The following RAB11FIP3 variants were observed in gnomAD, a reference collection of about 807,000 sequenced individuals.
RAB11FIP3 encodes the protein rab11 family-interacting protein 3.
In RAB11FIP3, 17 loss-of-function variants were observed where a neutral mutation model predicts 77.8. The ratio of observed to expected loss-of-function variants is 0.22; its 90% CI spans 0.15 to 0.33. The LOEUF is 0.33. RAB11FIP3 is among the 10% of genes least tolerant of loss of function. The pLI is 1.00. For synonymous variants in RAB11FIP3, 437 were observed against 448.2 expected (o/e 0.98, Z 0.31); for missense variants, 1,005 against 1,011.2 (o/e 0.99, Z 0.08).
chr16:441,067 A>C (rs11648659), intron 1 of RAB11FIP3, among the ~76,000 whole-genome samples: 3 of 151,736 alleles, frequency 2.0e-5, no homozygotes, highest in African/African-American at 7.3e-5. Flanking sequence ...CTGCCTCCCG[A>C]GTAGCTGGGA....
intron 5 of RAB11FIP3, among the ~76,000 whole-genome samples, chr16:492,281 C>T (rs768530501): frequency 3.3e-5 from 5 of 151,828 alleles, no homozygotes; most frequent in South Asian, 2.1e-4. Flanking sequence ...GGGGGTGGGG[C>T]CCGGCACTGA....
At chr16:503,155 T>A in intron 7 of RAB11FIP3, 58 bp downstream of exon 7, 1 of 1,399,464 alleles carries the variant, frequency 7.1e-7, no homozygotes, top group South Asian at 1.2e-5. Flanking sequence ...CAGCCACGCC[T>A]AAGGGCCGCT....
rs2055831230 is a variant in RAB11FIP3, at chr16:472,724, C to A, written c.903+1335C>A. On this transcript the variant is annotated intron_variant, in intron 3 of 13. Transcript: ENST00000262305. This position sits in a 1 kb window ranked among gnomAD's most constrained non-coding sequence, Gnocchi z 4.1. ...TTAGGGCATTGTTGATTGTTTATATCCTATGTATGGTGCAGTGGCTGAAGA... is the reference window on the plus strand; with the variant it reads ...TTAGGGCATTGTTGATTGTTTATATACTATGTATGGTGCAGTGGCTGAAGA... Among the ~76,000 whole-genome samples, 1 of 152,132 alleles carries A rather than the reference C, an allele frequency of 6.6e-6. No individual in the cohort carries two copies. Among genetic ancestry groups the A allele is most frequent in the Non-Finnish European group, 1.5e-5 (1 of 68,020 alleles).
chr16:502,447 C>T (rs1567400809), intron 6 of RAB11FIP3, among the ~76,000 whole-genome samples: 2 of 152,174 alleles, frequency 1.3e-5, no homozygotes, highest in South Asian at 2.1e-4. Context: ...TTCCTGGACT[C>T]GGTCGGACCA....
intron 1 of RAB11FIP3, among the ~76,000 whole-genome samples, chr16:450,057 C>G (rs1457466115): frequency 6.6e-6 from 1 of 152,202 alleles, no homozygotes; most frequent in Non-Finnish European, 1.5e-5. Flanking sequence ...AGAATTCTGC[C>G]TGCTACCATG....
intron 2 of RAB11FIP3, among the ~76,000 whole-genome samples, chr16:470,827 C>T (rs769058227): frequency 2.4e-4 from 36 of 152,100 alleles, no homozygotes; most frequent in Non-Finnish European, 3.4e-4. Flanking sequence ...GAAAACTGCG[C>T]GTGAACCCAG....
intron 4 of RAB11FIP3, among the ~76,000 whole-genome samples, chr16:483,686 A>G (rs911459734): frequency 6.6e-6 from 1 of 152,112 alleles, no homozygotes; most frequent in Admixed American, 6.6e-5. Flanking sequence ...TCCCTGGTGC[A>G]GGAGGGAATT....
chr16:476,321 C>G (rs2055907072), intron 3 of RAB11FIP3, among the ~76,000 whole-genome samples: 1 of 152,212 alleles, frequency 6.6e-6, no homozygotes, highest in Non-Finnish European at 1.5e-5. Flanking sequence ...CCCAAACCAT[C>G]CTGTCTAAGC....
chr16:519,902 A>G lies in RAB11FIP3; in HGVS notation c.1860+11A>G. On this transcript the variant is annotated intron_variant, in intron 11 of 13. Transcript: ENST00000262305. ...GAGGCCACCCAGGAGGTGAGCACCC[A>G]CCCTGCCCCACGCCCAGTCCTGCGC... The G allele has an allele frequency of 6.4e-7, 1 of 1,569,868 alleles. No homozygotes were observed. The highest frequency in any genetic ancestry group is 1.2e-5 in the South Asian group (1 of 85,768).
chr16:458,033 C>T (rs2055531666), intron 1 of RAB11FIP3, among the ~76,000 whole-genome samples: 1 of 152,372 alleles, frequency 6.6e-6, no homozygotes, highest in Admixed American at 6.5e-5. Flanking sequence ...GGGCGATGGC[C>T]CCGGCCTCTT....
intron 1 of RAB11FIP3, among the ~76,000 whole-genome samples, chr16:455,044 C>T (rs1312309067): frequency 5.9e-5 from 8 of 136,154 alleles, no homozygotes; most frequent in East Asian, 2.1e-4. Flanking sequence ...AGCGAAACTC[C>T]GTCTCAAAAA....
intron 1 of RAB11FIP3, among the ~76,000 whole-genome samples, chr16:435,292 A>G (rs963333045): frequency 3.3e-5 from 5 of 151,142 alleles, no homozygotes; most frequent in Non-Finnish European, 5.9e-5. Context: ...TAGATGGTGC[A>G]GACAAGGTTG....
At chr16:511,791 C>T (rs1178636209) in intron 9 of RAB11FIP3, among the ~76,000 whole-genome samples, 29 of 125,966 alleles carry the variant, frequency 2.3e-4, no homozygotes, top group African/African-American at 6.4e-4. Context: ...CCTGACGGCC[C>T]GCCCACCCCA....
At chr16:447,911 A>G (rs2055343320) in intron 1 of RAB11FIP3, among the ~76,000 whole-genome samples, 1 of 152,224 alleles carries the variant, frequency 6.6e-6, no homozygotes, top group African/African-American at 2.4e-5. Context: ...ATTTAAAACA[A>G]CAGGACGGGC....
At chr16:482,280 T>C in intron 3 of RAB11FIP3, 5 of 663,536 alleles carry the variant, frequency 7.5e-6, no homozygotes. Context: ...GGTCTTGAGC[T>C]CCTGGGTTCA....
At chr16:483,781 C>T (rs2056094994) in intron 4 of RAB11FIP3, among the ~76,000 whole-genome samples, 1 of 151,942 alleles carries the variant, frequency 6.6e-6, no homozygotes, top group Admixed American at 6.6e-5. Flanking sequence ...CTCCACAGCC[C>T]CTTATCTTAA....
chr16:520,506 C>T lies in RAB11FIP3; in HGVS notation c.2064C>T (p.Ile688=). Reference sequence around the variant, plus strand: ...AGAACGAGGAGCTGAACGGGCAGATCATTACCCTCAGCATCCAGGGCGCCA... The same window carrying T: ...AGAACGAGGAGCTGAACGGGCAGATTATTACCCTCAGCATCCAGGGCGCCA... ...KEQNEELNGQ[I]ITLSIQGAKS... The change falls in exon 13 of 14, where the codon ATC becomes ATT. Residue 688 remains isoleucine (I), a synonymous_variant. Transcript: ENST00000262305. 1 of 1,613,714 alleles carries T rather than the reference C, an allele frequency of 6.2e-7. No homozygotes were observed. Among genetic ancestry groups the T allele is most frequent in the Non-Finnish European group, 8.5e-7 (1 of 1,180,028 alleles).
At chr16:490,008 A>G (rs982829827) in intron 5 of RAB11FIP3, among the ~76,000 whole-genome samples, 3 of 152,204 alleles carry the variant, frequency 2.0e-5, no homozygotes, top group Admixed American at 1.3e-4. Context: ...GGTGGTGTCA[A>G]GACAAGGGCC....
In RAB11FIP3 at chr16:438,404, C is replaced by CTTT. The variant is rs753481865; in HGVS notation, c.714+11701_714+11703dup. 4.2e-3 allele frequency among the ~76,000 whole-genome samples: 498 copies of CTTT among 118,802 alleles called. 13 individuals carry two copies. The highest frequency in any genetic ancestry group is 0.015 in the African/African-American group (468 of 30,386). The allele number at this position is 118,802 out of a possible 152,430, so 77.9% of individuals were successfully genotyped here. A position where few individuals can be genotyped will look rare whatever the true frequency, so the allele number is the denominator to read the frequency against. On this transcript the variant is annotated intron_variant, in intron 1 of 13. Transcript: ENST00000262305. ...TACAGGCATGAGCCGCTGCGTCCGG[C>CTTT]TTTTTTTTTTTTTTTTTTTGAGACA...
Sources: gnomAD v4.1 joint callset for allele counts (sites outside exome capture counted in the v4.1 genomes callset) on GRCh38, gnomAD v4.1.1 for gene constraint, Gnocchi (gnomAD v3.1) non-coding constraint, MANE v1.5 for transcripts, NCBI Gene and HGNC (gene_info 2026-07-23, HGNC 2026-07-21) for gene names.